The following DOCK3 variants were observed in gnomAD, a reference collection of about 807,000 sequenced individuals.
DOCK3 encodes dedicator of cytokinesis protein 3.
Under a neutral mutation model 265.6 loss-of-function variants are expected in DOCK3, and 60 were observed. The observed-to-expected ratio is 0.23, with a 90% CI of 0.18 to 0.28. The LOEUF is 0.28. DOCK3 is among the 10% of genes least tolerant of loss of function. The pLI, the probability that DOCK3 is intolerant of heterozygous loss-of-function variation, is 1.00. For synonymous variants in DOCK3, 881 were observed against 938.0 expected, an observed-to-expected ratio of 0.94 and a Z score of 1.11; for missense variants, 1,981 against 2,594.3, an observed-to-expected ratio of 0.76 and a Z score of 5.14.
intron 27 of DOCK3, among the ~76,000 whole-genome samples, chr3:51,289,826 TCAAA>T (rs2081629481): frequency 6.6e-6 from 1 of 151,612 alleles, no homozygotes; most frequent in Non-Finnish European, 1.5e-5. Flanking sequence ...TACAAAGAAC[TCAAA>T]CAAATTTACA....
chr3:50,750,561 C>G (rs966648171), intron 1 of DOCK3, among the ~76,000 whole-genome samples: 1 of 152,146 alleles, frequency 6.6e-6, no homozygotes, highest in Non-Finnish European at 1.5e-5. Context: ...ATCTCTTGAC[C>G]TCATGATCTG....
At chr3:50,764,398 T>C (rs2040731238) in intron 1 of DOCK3, among the ~76,000 whole-genome samples, 1 of 152,208 alleles carries the variant, frequency 6.6e-6, no homozygotes, top group Non-Finnish European at 1.5e-5. Context: ...ATTTATACTG[T>C]ATTAGGCATT....
At chr3:50,981,953 A>G (rs2061413366) in intron 5 of DOCK3, among the ~76,000 whole-genome samples, 1 of 152,134 alleles carries the variant, frequency 6.6e-6, no homozygotes, top group African/African-American at 2.4e-5. Flanking sequence ...GGATTCAAGC[A>G]GCTCTCCTGT....
At chr3:51,067,456 T>TGTGTGTGCGC (rs1553750450) in intron 6 of DOCK3, among the ~76,000 whole-genome samples, 23 of 150,340 alleles carry the variant, frequency 1.5e-4, no homozygotes, top group African/African-American at 4.9e-4. Context: ...TGTGTGTGTG[T>TGTGTGTGCGC]GCGCGCGCGT....
intron 9 of DOCK3, among the ~76,000 whole-genome samples, chr3:51,139,252 A>ATT (rs1329733178): frequency 1.4e-5 from 2 of 143,748 alleles, no homozygotes; most frequent in African/African-American, 2.7e-5. Context: ...ACTCAACTGC[A>ATT]GTGGGGGGAG....
chr3:50,674,939 G>A lies in DOCK3; in HGVS notation c.-325G>A, dbSNP rs1553629969. The stretch of plus-strand genomic sequence containing the variant: ...GCGGGCGTCCTGCGAGCCCGCTGGG[G>A]CGAGCCGAGCCGCGGCGGCGCCGGG... On this transcript the variant is annotated 5_prime_UTR_variant, in exon 1 of 53. Coordinates refer to ENST00000266037, the MANE Select transcript of DOCK3 (RefSeq NM_004947.5). The surrounding 1 kb of genome is among the most constrained non-coding windows in gnomAD (Gnocchi z 4.3). The A allele has an allele frequency of 6.7e-6, 1 of 148,662 alleles. No homozygotes were observed. The highest frequency in any genetic ancestry group is 6.7e-5 in the Admixed American group (1 of 14,928). 9.2% of individuals were successfully genotyped at this position (148,662 alleles called of 1,614,324 possible).
chr3:50,844,409 TG>T (rs1163820904), intron 3 of DOCK3, among the ~76,000 whole-genome samples: 1 of 152,028 alleles, frequency 6.6e-6, no homozygotes, highest in Non-Finnish European at 1.5e-5. Flanking sequence ...TTTGTAGAGA[TG>T]GGGTATCTCT....
intron 3 of DOCK3, among the ~76,000 whole-genome samples, chr3:50,866,314 G>A (rs1435597904): frequency 1.3e-5 from 2 of 151,894 alleles, no homozygotes; most frequent in Admixed American, 6.6e-5. Flanking sequence ...GTGAAATCCC[G>A]TCTCTACTAA....
chr3:50,957,666 A>G (rs909623133), intron 5 of DOCK3, among the ~76,000 whole-genome samples: 9 of 152,254 alleles, frequency 5.9e-5, no homozygotes, highest in East Asian at 3.8e-4. Context: ...TACTAAATCT[A>G]TGACACTCAG....
intron 3 of DOCK3, among the ~76,000 whole-genome samples, chr3:50,872,287 AC>A (rs1450592618): frequency 6.6e-6 from 1 of 152,206 alleles, no homozygotes; most frequent in Admixed American, 6.5e-5. Flanking sequence ...GTTTTTTCAG[AC>A]TTGTAGAGGG....
intron 3 of DOCK3, among the ~76,000 whole-genome samples, chr3:50,850,360 A>C (rs912690874): frequency 8.3e-6 from 1 of 119,844 alleles, no homozygotes; most frequent in Non-Finnish European, 1.6e-5. Context: ...ACTCCATCTC[A>C]AAAAAAAAAA....
chr3:51,272,299 C>T lies in DOCK3; in HGVS notation c.2548+1292C>T, dbSNP rs551436229. On this transcript the variant is annotated intron_variant, in intron 24 of 52. Transcript: ENST00000266037. ...GTTTGACTTTTTTTTTTTTTTGAGA[C>T]GGAGTCTCGCTCTGTTGCCCAGGCT... is the stretch of plus-strand genomic sequence containing the variant. Among the ~76,000 whole-genome samples the T allele has an allele frequency of 1.1e-3, 154 of 139,912 alleles. 1 individual carries two copies. Among genetic ancestry groups the T allele is most frequent in the African/African-American group, 3.8e-3 (143 of 37,362 alleles). 91.8% of individuals were successfully genotyped at this position (139,912 alleles called of 152,430 possible).
chr3:50,901,890 A>G (rs1044671530), intron 4 of DOCK3, among the ~76,000 whole-genome samples: 13 of 152,152 alleles, frequency 8.5e-5, no homozygotes, highest in African/African-American at 3.1e-4. Context: ...TGTCGCTGGG[A>G]GCTGCAGACC....
At chr3:50,795,225 G>A (rs953025925) in intron 2 of DOCK3, among the ~76,000 whole-genome samples, 1 of 152,024 alleles carries the variant, frequency 6.6e-6, no homozygotes, top group African/African-American at 2.4e-5. Context: ...TGATCTTCTT[G>A]TGAAGTATGT....
At chr3:50,751,242 A>C (rs1027915053) in intron 1 of DOCK3, among the ~76,000 whole-genome samples, 4 of 151,948 alleles carry the variant, frequency 2.6e-5, no homozygotes, top group Non-Finnish European at 5.9e-5. Flanking sequence ...TGACCCTGTG[A>C]CATAAAAAGA....
chr3:50,898,416 T>G (rs1423916588), intron 4 of DOCK3, among the ~76,000 whole-genome samples: 1 of 152,170 alleles, frequency 6.6e-6, no homozygotes, highest in African/African-American at 2.4e-5. Flanking sequence ...TTGTTAATCT[T>G]TTCAAAAAAC....
At chr3:51,184,266 G>A (rs1024339571) in intron 12 of DOCK3, among the ~76,000 whole-genome samples, 11 of 150,670 alleles carry the variant, frequency 7.3e-5, no homozygotes, top group Middle Eastern at 3.5e-3. Flanking sequence ...AGCCAAGATC[G>A]TGCCATTGCA....
chr3:50,875,876 G>A (rs1185718864), intron 3 of DOCK3, among the ~76,000 whole-genome samples: 1 of 150,932 alleles, frequency 6.6e-6, no homozygotes, highest in Non-Finnish European at 1.5e-5. Flanking sequence ...AAAAACAACT[G>A]TTGTGTTTTG....
intron 40 of DOCK3, among the ~76,000 whole-genome samples, chr3:51,350,644 T>G (rs1261413372): frequency 6.6e-6 from 1 of 152,182 alleles, no homozygotes; most frequent in East Asian, 1.9e-4. Context: ...TCAATGGAGT[T>G]TCTTCAGGAA....
Sources: allele counts gnomAD v4.1 joint callset (sites outside exome capture counted in the v4.1 genomes callset), GRCh38; gene constraint gnomAD v4.1.1; non-coding constraint Gnocchi (gnomAD v3.1); transcripts MANE v1.5; gene names NCBI Gene and HGNC (gene_info 2026-07-23, HGNC 2026-07-21).